The following NEMP2 variants were observed in gnomAD, a reference collection of about 807,000 sequenced individuals.
NEMP2 encodes the protein UPF0571 transmembrane protein.
NEMP2 carries 53 observed loss-of-function variants against 54.2 expected under a neutral mutation model. The ratio of observed to expected loss-of-function variants is 0.98; its 90% CI spans 0.78 to 1.23. The LOEUF (loss-of-function observed/expected upper bound fraction) is 1.23, where lower values mean the gene tolerates loss of function less well. NEMP2 is among the 50% of genes most tolerant of loss of function. The pLI is 0.00. For synonymous variants in NEMP2, 197 were observed against 190.3 expected (o/e 1.04, Z -0.29); for missense variants, 455 against 511.3 (o/e 0.89, Z 1.06).
chr2:190,543,226 G>A, the NEMP2 span, among the ~76,000 whole-genome samples: 1 of 152,142 alleles, frequency 6.6e-6, no homozygotes, highest in Non-Finnish European at 1.5e-5. The surrounding 1 kb of genome is among the most constrained non-coding windows in gnomAD (Gnocchi z 4.7). Flanking sequence ...GGCTGGCTAG[G>A]AGTTTGTGCC....
At chr2:190,569,374 G>C in the NEMP2 span, among the ~76,000 whole-genome samples, 1 of 145,778 alleles carries the variant, frequency 6.9e-6, no homozygotes, top group Non-Finnish European at 1.5e-5. Context: ...ATAGAGTTGT[G>C]AGGCCATTAC....
At chr2:190,594,339 T>C in the NEMP2 span, among the ~76,000 whole-genome samples, 3 of 152,172 alleles carry the variant, frequency 2.0e-5, no homozygotes. This position sits in a 1 kb window ranked among gnomAD's most constrained non-coding sequence, Gnocchi z 5.6. Context: ...AAGTATCTCC[T>C]TTAAAACATA....
rs1183587409 is a variant in NEMP2 at position 190,519,166 on chromosome 2, T to A, written c.231A>T (p.Pro77=). 2 of 1,546,548 alleles carry A rather than the reference T, an allele frequency of 1.3e-6. No individual in the cohort carries two copies. Among genetic ancestry groups the A allele is most frequent in the Non-Finnish European group, 1.7e-6 (2 of 1,145,100 alleles). The change falls in exon 3 of 9, where the codon CCA becomes CCT. Residue 77 remains proline, a synonymous_variant. Transcript: ENST00000409150. The surrounding 1 kb of genome is among the most constrained non-coding windows in gnomAD (Gnocchi z 5.4). The part of the protein sequence containing the change: ...WSTMQVKITS[P]GLFRIVYIAE... ...CGATATATACAATTCTGAACAGGCC[T>A]GGACTGGTAATTTTCACCTGTAAAA...
downstream of NEMP2, chr2:190,500,090 T>C (rs1414175147): frequency 1.2e-6 from 2 of 1,614,046 alleles, no homozygotes; most frequent in Admixed American, 1.7e-5. The surrounding 1 kb of genome is among the most constrained non-coding windows in gnomAD (Gnocchi z 5.3). Flanking sequence ...CTCTGACCCA[T>C]CTAGAAACCA....
the NEMP2 span, among the ~76,000 whole-genome samples, chr2:190,644,548 C>T: frequency 1.3e-5 from 2 of 152,180 alleles, no homozygotes; most frequent in Non-Finnish European, 2.9e-5. This position sits in a 1 kb window ranked among gnomAD's most constrained non-coding sequence, Gnocchi z 4.4. Context: ...AATTTTTAAA[C>T]CTGAGAGCAG....
chr2:190,482,868 CTTTTTTTTT>C, the NEMP2 span, among the ~76,000 whole-genome samples: 47 of 48,282 alleles, frequency 9.7e-4, no homozygotes, highest in African/African-American at 2.8e-3. Context: ...AGACTATCAT[CTTTTTTTTT>C]TTTTTTTTTT....
At chr2:190,498,611 A>G in the NEMP2 span, among the ~76,000 whole-genome samples, 4 of 152,054 alleles carry the variant, frequency 2.6e-5, no homozygotes, top group Non-Finnish European at 5.9e-5. This position sits in a 1 kb window ranked among gnomAD's most constrained non-coding sequence, Gnocchi z 5.9. Context: ...CTATTTATTA[A>G]TTTATCAAGA....
the NEMP2 span, among the ~76,000 whole-genome samples, chr2:190,597,452 C>T: frequency 6.6e-6 from 1 of 151,954 alleles, no homozygotes; most frequent in African/African-American, 2.4e-5. The surrounding 1 kb of genome is among the most constrained non-coding windows in gnomAD (Gnocchi z 4.7). Flanking sequence ...ACATTACTAT[C>T]CACAAAATAA....
chr2:190,591,159 G>C, the NEMP2 span, among the ~76,000 whole-genome samples: 1 of 152,092 alleles, frequency 6.6e-6, no homozygotes, highest in Non-Finnish European at 1.5e-5. This position sits in a 1 kb window ranked among gnomAD's most constrained non-coding sequence, Gnocchi z 5.4. Flanking sequence ...GAGAAATTTT[G>C]TGTTTTCTTT....
At position 190,510,486 on chromosome 2, in the gene NEMP2, C is replaced by T. The variant is rs1043593957; in HGVS notation, c.1005G>A (p.Thr335=). 3.2e-6 allele frequency: 5 copies of T among 1,551,794 alleles called. No homozygotes were observed. The highest frequency in any genetic ancestry group is 2.0e-5 in the Admixed American group (1 of 50,970). Residue 335 remains threonine (T), a synonymous_variant, in exon 8 of 9, where the codon ACG becomes ACA. Transcript: ENST00000409150. This position sits in a 1 kb window ranked among gnomAD's most constrained non-coding sequence, Gnocchi z 5.7. Reference sequence around the variant, plus strand: ...CAGCTTGCTCCCTGTACTCGTCTTCCGTAAGATATTTCACCACCAGCTCTT... The same window carrying T: ...CAGCTTGCTCCCTGTACTCGTCTTCTGTAAGATATTTCACCACCAGCTCTT... The part of the protein sequence containing the change: ...TSKELVVKYL[T]EDEYREQADA...
the NEMP2 span, among the ~76,000 whole-genome samples, chr2:190,569,844 C>A: frequency 6.6e-6 from 1 of 152,114 alleles, no homozygotes; most frequent in Non-Finnish European, 1.5e-5. Context: ...ATAATTTACT[C>A]ACATGACTTT....
chr2:190,519,109 G>A lies in NEMP2; in HGVS notation c.288C>T (p.Asn96=). 6.4e-7 allele frequency: 1 copy of A among 1,551,144 alleles called. No homozygotes were observed. Among genetic ancestry groups the A allele is most frequent in the Non-Finnish European group, 8.7e-7 (1 of 1,146,928 alleles). The change falls in exon 3 of 9, where the codon AAC becomes AAT. Residue 96 remains asparagine, a synonymous_variant. Coordinates refer to ENST00000409150, the MANE Select transcript of NEMP2 (RefSeq NM_001142645.2). This position sits in a 1 kb window ranked among gnomAD's most constrained non-coding sequence, Gnocchi z 5.4. ...AERHNCQYPE[N]ILSFIKCVIH... ...TCACACATTTGATAAAAGATAGAAT[G>A]TTTTCTGGATATTGGCAATTATGTC...
the NEMP2 span, among the ~76,000 whole-genome samples, chr2:190,589,745 C>G: frequency 6.6e-6 from 1 of 152,186 alleles, no homozygotes; most frequent in Non-Finnish European, 1.5e-5. This position sits in a 1 kb window ranked among gnomAD's most constrained non-coding sequence, Gnocchi z 4.3. Flanking sequence ...AAGCTGTTCT[C>G]ATGGCTCTGG....
At chr2:190,562,665 T>C in the NEMP2 span, among the ~76,000 whole-genome samples, 29 of 152,238 alleles carry the variant, frequency 1.9e-4, no homozygotes, top group Non-Finnish European at 3.7e-4. This position sits in a 1 kb window ranked among gnomAD's most constrained non-coding sequence, Gnocchi z 5.0. Context: ...TCTATGACTC[T>C]TTTTTGCCCT....
the NEMP2 span, among the ~76,000 whole-genome samples, chr2:190,477,730 AC>A: frequency 2.6e-5 from 4 of 152,266 alleles, no homozygotes; most frequent in African/African-American, 9.6e-5. Context: ...ATGTGTAAAC[AC>A]ATAATAACTA....
downstream of NEMP2, chr2:190,499,787 A>C (rs1177874116): frequency 1.3e-6 from 2 of 1,498,912 alleles, no homozygotes. The surrounding 1 kb of genome is among the most constrained non-coding windows in gnomAD (Gnocchi z 6.0). Flanking sequence ...TTTCCACAAG[A>C]CACGTCTGCT....
the NEMP2 span, among the ~76,000 whole-genome samples, chr2:190,426,953 C>T: frequency 6.6e-6 from 1 of 152,216 alleles, no homozygotes; most frequent in East Asian, 1.9e-4. This position sits in a 1 kb window ranked among gnomAD's most constrained non-coding sequence, Gnocchi z 4.7. Context: ...CACTCAGCCT[C>T]TTTGGATACC....
the NEMP2 span, among the ~76,000 whole-genome samples, chr2:190,470,244 T>C: frequency 2.6e-5 from 4 of 152,240 alleles, no homozygotes; most frequent in Non-Finnish European, 4.4e-5. Context: ...AAAAGATTGT[T>C]GTCATAATTA....
At chr2:190,636,249 T>C in the NEMP2 span, among the ~76,000 whole-genome samples, 1 of 152,252 alleles carries the variant, frequency 6.6e-6, no homozygotes, top group African/African-American at 2.4e-5. Context: ...AATCATCTTA[T>C]GGCATTTCCT....
Sources: gnomAD v4.1 joint callset for allele counts (sites outside exome capture counted in the v4.1 genomes callset) on GRCh38, gnomAD v4.1.1 for gene constraint, Gnocchi (gnomAD v3.1) non-coding constraint, MANE v1.5 for transcripts, NCBI Gene and HGNC (gene_info 2026-07-23, HGNC 2026-07-21) for gene names.